Variants in RALGAPA2 observed in about 807,000 individuals in gnomAD.
RALGAPA2 encodes the protein Ral GTPase activating protein catalytic subunit alpha 2.
RALGAPA2 carries 139 observed loss-of-function variants against 230.4 expected under a neutral mutation model. The ratio of observed to expected loss-of-function variants is 0.60; its 90% confidence interval spans 0.53 to 0.69. RALGAPA2 has a LOEUF of 0.69. Ranked by LOEUF, RALGAPA2 falls within the 30% of genes least tolerant of loss-of-function variation. The probability of loss-of-function intolerance (pLI) is 0.00; values close to 1 mark genes in which losing one functional copy is unlikely to be tolerated. For synonymous variants in RALGAPA2, 847 were observed against 837.8 expected (o/e 1.01, Z -0.19); for missense variants, 2,163 against 2,276.0 (o/e 0.95, Z 1.01).
At chr20:20,585,005 T>C in intron 18 of RALGAPA2, 50 bp from the exon 19 acceptor site, 1 of 1,310,922 alleles carries the variant, frequency 7.6e-7, no homozygotes, top group Non-Finnish European at 1.1e-6. Context: ...TTTTCATTGT[T>C]ATAAGACTTA....
chr20:20,467,372 A>C (rs1422788659), intron 37 of RALGAPA2, among the ~76,000 whole-genome samples: 2 of 152,240 alleles, frequency 1.3e-5, no homozygotes, highest in African/African-American at 4.8e-5. Context: ...TAATTTTACA[A>C]AGGATCCATG....
chr20:20,422,132 G>A (rs1025790165), intron 37 of RALGAPA2, among the ~76,000 whole-genome samples: 2 of 152,166 alleles, frequency 1.3e-5, no homozygotes, highest in African/African-American at 4.8e-5. Context: ...CCAGAGGCAG[G>A]GGAGAATGTG....
At chr20:20,423,042 C>A (rs1569385559) in intron 37 of RALGAPA2, among the ~76,000 whole-genome samples, 1 of 152,128 alleles carries the variant, frequency 6.6e-6, no homozygotes, top group Admixed American at 6.5e-5. Flanking sequence ...GATAATGGGG[C>A]AGGGAGACAA....
rs1179338184 is a variant in RALGAPA2 at position 20,398,070 on chromosome 20, TG to T, written c.5618-1337del. 2.0e-5 allele frequency among the ~76,000 whole-genome samples: 3 copies of T among 152,224 alleles called. No individual in the cohort carries two copies. The highest frequency in any genetic ancestry group is 2.9e-5 in the Non-Finnish European group (2 of 68,036). Reference sequence around the variant, plus strand: ...GATTTCTGATTTCCCCCCAATGTGCTGTGCTGAAGGGCCCCCATTTCCTCTC... The same window carrying T: ...GATTTCTGATTTCCCCCCAATGTGCTTGCTGAAGGGCCCCCATTTCCTCTC... On this transcript the variant is annotated intron_variant, in intron 38 of 39. Transcript: ENST00000202677. This position sits in a 1 kb window ranked among gnomAD's most constrained non-coding sequence, Gnocchi z 4.5.
At chr20:20,644,482 T>G (rs892661408) in intron 4 of RALGAPA2, among the ~76,000 whole-genome samples, 1 of 152,184 alleles carries the variant, frequency 6.6e-6, no homozygotes, top group Non-Finnish European at 1.5e-5. Context: ...ATATAATAAC[T>G]AAATGCATAC....
At chr20:20,527,985 C>T (rs1200812077) in intron 27 of RALGAPA2, among the ~76,000 whole-genome samples, 1 of 152,108 alleles carries the variant, frequency 6.6e-6, no homozygotes, top group Non-Finnish European at 1.5e-5. Context: ...TATGGGCAGA[C>T]AGGAGTGGGA....
At chr20:20,524,346 T>G (rs1310174881) in intron 30 of RALGAPA2, 60 bp downstream of exon 30, 1 of 1,584,910 alleles carries the variant, frequency 6.3e-7, no homozygotes, top group South Asian at 1.1e-5. Flanking sequence ...AGACATATTT[T>G]GGTGGTTCTC....
chr20:20,441,318 C>T (rs914851694), intron 37 of RALGAPA2, among the ~76,000 whole-genome samples: 4 of 152,200 alleles, frequency 2.6e-5, no homozygotes, highest in Middle Eastern at 6.3e-3. Flanking sequence ...GGAAGTGGGA[C>T]AGCCGTTAAT....
chr20:20,683,215 C>T (rs1343788256), intron 1 of RALGAPA2, among the ~76,000 whole-genome samples: 1 of 152,220 alleles, frequency 6.6e-6, no homozygotes, highest in Non-Finnish European at 1.5e-5. Context: ...ACGGCCCTGC[C>T]TGGTCTGTGT....
At chr20:20,555,590 C>G (rs1182820089) in intron 23 of RALGAPA2, among the ~76,000 whole-genome samples, 1 of 152,186 alleles carries the variant, frequency 6.6e-6, no homozygotes, top group Non-Finnish European at 1.5e-5. Context: ...TAAAGTCCTA[C>G]AGCAAGGTTT....
chr20:20,672,983 G>C (rs555563421), intron 3 of RALGAPA2, among the ~76,000 whole-genome samples: 1 of 152,142 alleles, frequency 6.6e-6, no homozygotes, highest in African/African-American at 2.4e-5. Context: ...AAGAGATCAA[G>C]ACCATCCTGG....
intron 1 of RALGAPA2, among the ~76,000 whole-genome samples, chr20:20,683,061 G>A (rs1046986449): frequency 7.2e-5 from 11 of 152,136 alleles, no homozygotes; most frequent in African/African-American, 2.2e-4. Context: ...TGGCTTTTCC[G>A]TCCCAGTAAG....
chr20:20,464,090 G>T (rs1173357413), intron 37 of RALGAPA2, among the ~76,000 whole-genome samples: 1 of 152,156 alleles, frequency 6.6e-6, no homozygotes, highest in Non-Finnish European at 1.5e-5. Context: ...AGGCTTTTGT[G>T]CTTGGTGAGA....
intron 3 of RALGAPA2, among the ~76,000 whole-genome samples, chr20:20,671,711 A>C (rs1225135614): frequency 6.6e-6 from 1 of 152,216 alleles, no homozygotes; most frequent in Non-Finnish European, 1.5e-5. Context: ...ATCCTCTGTA[A>C]ATGGTAATGT....
chr20:20,663,884 G>A (rs1039215361), intron 3 of RALGAPA2, among the ~76,000 whole-genome samples: 5 of 152,102 alleles, frequency 3.3e-5, no homozygotes, highest in South Asian at 2.1e-4. Flanking sequence ...GAACCACCAC[G>A]CCTGGCCTGG....
In RALGAPA2 at chr20:20,444,956, AG is replaced by A. The variant is rs1304822381; in HGVS notation, c.5495+27872del. On this transcript the variant is annotated intron_variant, in intron 37 of 39. Transcript: ENST00000202677. ...AGTCACTTATCAGATCAACAGCCAC[AG>A]GATCACCTGTGTTCTGTGTTGCATG... 3.9e-4 allele frequency among the ~76,000 whole-genome samples: 59 copies of A among 152,208 alleles called. 2 individuals carry two copies. Among genetic ancestry groups the A allele is most frequent in the Admixed American group, 3.8e-3 (58 of 15,278 alleles).
intron 2 of RALGAPA2, among the ~76,000 whole-genome samples, chr20:20,677,605 C>T (rs2068374148): frequency 6.8e-6 from 1 of 146,104 alleles, no homozygotes; most frequent in African/African-American, 2.6e-5. Flanking sequence ...AACTTTACAG[C>T]AGCCAAGAAT....
intron 1 of RALGAPA2, among the ~76,000 whole-genome samples, chr20:20,692,090 C>T (rs1376778829): frequency 1.3e-5 from 2 of 152,150 alleles, no homozygotes; most frequent in East Asian, 3.9e-4. Flanking sequence ...GATGCTGGTG[C>T]CATGCTTCTT....
At chr20:20,703,134 C>T (rs982311272) in intron 1 of RALGAPA2, among the ~76,000 whole-genome samples, 1 of 151,898 alleles carries the variant, frequency 6.6e-6, no homozygotes, top group African/African-American at 2.4e-5. Context: ...AATTGCACCA[C>T]TGAACTCCAG....
Sources: allele counts gnomAD v4.1 joint callset (sites outside exome capture counted in the v4.1 genomes callset), GRCh38; gene constraint gnomAD v4.1.1; non-coding constraint Gnocchi (gnomAD v3.1); transcripts MANE v1.5; gene names NCBI Gene and HGNC (gene_info 2026-07-23, HGNC 2026-07-21).